Variants in NAB1 observed in about 807,000 individuals in gnomAD.
NAB1 encodes the protein NGFI-A-binding protein 1.
In NAB1, 25 loss-of-function variants were observed where a neutral mutation model predicts 49.9. That is an observed-to-expected ratio of 0.50 (90% CI 0.37 to 0.70). The LOEUF is 0.70. NAB1 is among the 30% of genes least tolerant of loss of function. NAB1 has a pLI of 0.00. For synonymous variants in NAB1, 198 were observed against 215.6 expected (o/e 0.92, Z 0.71); for missense variants, 489 against 575.9 (o/e 0.85, Z 1.54).
chr2:190,671,656 A>G (rs1051476040), intron 5 of NAB1, among the ~76,000 whole-genome samples: 1 of 152,024 alleles, frequency 6.6e-6, no homozygotes, highest in Admixed American at 6.6e-5. Context: ...AAGGCTAACA[A>G]TGAAACTCAA....
At chr2:190,690,193 T>C in intron 9 of NAB1, 52 bp from the exon 10 acceptor site, 1 of 1,243,006 alleles carries the variant, frequency 8.0e-7, no homozygotes, top group Non-Finnish European at 1.2e-6. Context: ...TGTTTGATTT[T>C]TGTAGTCCAT....
In NAB1 at chr2:190,657,732, G is replaced by A. The variant is rs946541857; in HGVS notation, c.-19-1426G>A. ...GAGTGGTAGGGACACCCATTCTCCT[G>A]GCTTGGAGTGACTGAGACTAGAATT... On this transcript the variant is annotated intron_variant, in intron 3 of 9. Transcript: ENST00000337386. This position sits in a 1 kb window ranked among gnomAD's most constrained non-coding sequence, Gnocchi z 4.4. 5.9e-5 allele frequency among the ~76,000 whole-genome samples: 9 copies of A among 152,184 alleles called. No individual in the cohort carries two copies. Among genetic ancestry groups the A allele is most frequent in the Non-Finnish European group, 1.3e-4 (9 of 68,030 alleles).
rs1694898844 is a variant in NAB1 at position 190,673,082 on chromosome 2, T to TC, written c.954-18dup. ...ACTTTCTCAAGTTTTTTTTTTTTTT[T>TC]CTCTCCCCTTTCCCTTAGGTCAAAA... On this transcript the variant is annotated intron_variant, in intron 5 of 9. Transcript: ENST00000337386. 4.4e-6 allele frequency: 7 copies of TC among 1,586,134 alleles called. No homozygotes were observed. Among genetic ancestry groups the TC allele is most frequent in the Admixed American group, 1.8e-5 (1 of 56,246 alleles).
chr2:190,675,301 G>A lies in NAB1; in HGVS notation c.1005+2149G>A, dbSNP rs2125772746. Reference sequence around the variant, plus strand: ...TAAGCCACACTTGTCTAGCTTTAGAGGTCACTAAATATTGAAATTTGTGAT... The same window carrying A: ...TAAGCCACACTTGTCTAGCTTTAGAAGTCACTAAATATTGAAATTTGTGAT... On this transcript the variant is annotated intron_variant, in intron 6 of 9. Transcript: ENST00000337386. This position sits in a 1 kb window ranked among gnomAD's most constrained non-coding sequence, Gnocchi z 5.2. Among the ~76,000 whole-genome samples, 1 of 152,292 alleles carries A rather than the reference G, an allele frequency of 6.6e-6. No individual in the cohort carries two copies. The highest frequency in any genetic ancestry group is 6.5e-5 in the Admixed American group (1 of 15,302).
In NAB1 at chr2:190,684,866, T is replaced by G. The variant is rs1695527019; in HGVS notation, c.1096-610T>G. Among the ~76,000 whole-genome samples the G allele has an allele frequency of 6.6e-6, 1 of 152,256 alleles. No homozygotes were observed. Among genetic ancestry groups the G allele is most frequent in the African/African-American group, 2.4e-5 (1 of 41,470 alleles). On this transcript the variant is annotated intron_variant, in intron 7 of 9. Coordinates refer to ENST00000337386, the MANE Select transcript of NAB1 (RefSeq NM_005966.4). The surrounding 1 kb of genome is among the most constrained non-coding windows in gnomAD (Gnocchi z 4.6). ...ATATGTCAGTTGACTAATTGTATAT[T>G]TAAAATATGCCTTTTTATGATTGGT...
chr2:190,650,151 C>A (rs1428429535), intron 2 of NAB1, among the ~76,000 whole-genome samples, 169 bp downstream of exon 2: 1 of 152,126 alleles, frequency 6.6e-6, no homozygotes, highest in Non-Finnish European at 1.5e-5. Context: ...ATACATTTGT[C>A]GATTCTGCAG....
rs892361538 is a variant in NAB1 at position 190,649,729 on chromosome 2, A to T, written c.-333-117A>T. 6.6e-6 allele frequency: 1 copy of T among 152,252 alleles called. No homozygotes were observed. The highest frequency in any genetic ancestry group is 2.4e-5 in the African/African-American group (1 of 41,404). The allele number at this position is 152,252 out of a possible 1,614,324, so 9.4% of individuals were successfully genotyped here. On this transcript the variant is annotated intron_variant, in intron 1 of 9. Coordinates refer to ENST00000337386, the MANE Select transcript of NAB1 (RefSeq NM_005966.4). The surrounding 1 kb of genome is among the most constrained non-coding windows in gnomAD (Gnocchi z 6.1). The stretch of plus-strand genomic sequence containing the variant: ...GTGCGCGCCGGCCCCAGAGTTTTGC[A>T]GCCACCTTCGTCAGGGCAGTCTTTT...
intron 5 of NAB1, among the ~76,000 whole-genome samples, chr2:190,671,301 G>C (rs1031981975): frequency 6.6e-6 from 1 of 152,158 alleles, no homozygotes; most frequent in Non-Finnish European, 1.5e-5. Context: ...GAGCATTCTT[G>C]TGCATCCTAA....
At position 190,654,444 on chromosome 2, in the gene NAB1, G is replaced by T. The variant is rs1004960592; in HGVS notation, c.-196-1533G>T. Among the ~76,000 whole-genome samples, 3 of 152,224 alleles carry T rather than the reference G, an allele frequency of 2.0e-5. No individual in the cohort carries two copies. Among genetic ancestry groups the T allele is most frequent in the African/African-American group, 7.2e-5 (3 of 41,454 alleles). On this transcript the variant is annotated intron_variant, in intron 2 of 9. Transcript: ENST00000337386. The surrounding 1 kb of genome is among the most constrained non-coding windows in gnomAD (Gnocchi z 5.6). ...GAAGGGAGATGACAGCTGCAGCCAG[G>T]GGTAGTGGGAAAGACATTTTGGGAA...
At position 190,676,070 on chromosome 2, in the gene NAB1, G is replaced by A. The variant is rs1031513928; in HGVS notation, c.1005+2918G>A. On this transcript the variant is annotated intron_variant, in intron 6 of 9. Transcript: ENST00000337386. The surrounding 1 kb of genome is among the most constrained non-coding windows in gnomAD (Gnocchi z 4.6). ...TTTTCACCAAGTACTGGTGCTTTAT[G>A]TCTACCTTCTATATGGCTTCTGGGG... Among the ~76,000 whole-genome samples the A allele has an allele frequency of 2.0e-5, 3 of 152,158 alleles. No individual in the cohort carries two copies. The highest frequency in any genetic ancestry group is 4.4e-5 in the Non-Finnish European group (3 of 68,028).
At chr2:190,688,153 T>TC (rs1695712573) in intron 9 of NAB1, among the ~76,000 whole-genome samples, 1 of 152,234 alleles carries the variant, frequency 6.6e-6, no homozygotes, top group Non-Finnish European at 1.5e-5. Flanking sequence ...AGTCACTTAA[T>TC]CAACGTCACT....
chr2:190,680,472 C>T lies in NAB1; in HGVS notation c.1006-3266C>T, dbSNP rs568200205. ...CTCTGGGATGCCTGCTCTGCCACAG[C>T]GCCCTCTGCTGTGCTCTGGGTCTCC... On this transcript the variant is annotated intron_variant, in intron 6 of 9. Transcript: ENST00000337386. This position sits in a 1 kb window ranked among gnomAD's most constrained non-coding sequence, Gnocchi z 5.2. 1.3e-5 allele frequency among the ~76,000 whole-genome samples: 2 copies of T among 152,318 alleles called. No individual in the cohort carries two copies. The highest frequency in any genetic ancestry group is 1.9e-4 in the East Asian group (1 of 5,184).
intron 4 of NAB1, among the ~76,000 whole-genome samples, chr2:190,662,939 A>C (rs1487035788): frequency 6.6e-6 from 1 of 152,186 alleles, no homozygotes; most frequent in African/African-American, 2.4e-5. Flanking sequence ...AGTGATGCCA[A>C]GCTTAGGTCA....
In NAB1 at chr2:190,674,701, A is replaced by C. The variant is rs555912649; in HGVS notation, c.1005+1549A>C. On this transcript the variant is annotated intron_variant, in intron 6 of 9. Coordinates refer to ENST00000337386, the MANE Select transcript of NAB1 (RefSeq NM_005966.4). This position sits in a 1 kb window ranked among gnomAD's most constrained non-coding sequence, Gnocchi z 5.7. ...TTGACTTATAAACACTTTATCTGAAAGCAGTGGTTCTCAAGGAAGAGAAGT... is the reference window on the plus strand; with the variant it reads ...TTGACTTATAAACACTTTATCTGAACGCAGTGGTTCTCAAGGAAGAGAAGT... Among the ~76,000 whole-genome samples the C allele has an allele frequency of 3.9e-5, 6 of 152,310 alleles. No homozygotes were observed. In the South Asian group the frequency reaches 1.2e-3, roughly 32 times the overall value.
rs1198739746 is a variant in NAB1 at position 190,679,847 on chromosome 2, A to T, written c.1006-3891A>T. Among the ~76,000 whole-genome samples, 1 of 152,122 alleles carries T rather than the reference A, an allele frequency of 6.6e-6. No homozygotes were observed. Among genetic ancestry groups the T allele is most frequent in the Non-Finnish European group, 1.5e-5 (1 of 68,022 alleles). On this transcript the variant is annotated intron_variant, in intron 6 of 9. Transcript: ENST00000337386. This position sits in a 1 kb window ranked among gnomAD's most constrained non-coding sequence, Gnocchi z 5.3. ...GCACTCCACTCAGATTCTGCTGATG[A>T]ACTGATAACCCTCTAATCTGGGTCT...
At chr2:190,671,729 G>A (rs545461872) in intron 5 of NAB1, among the ~76,000 whole-genome samples, 3 of 141,528 alleles carry the variant, frequency 2.1e-5, no homozygotes, top group Non-Finnish European at 4.6e-5. Context: ...TGCCTTCACC[G>A]ATTTTTAGCC....
chr2:190,688,035 A>C (rs990662828), intron 9 of NAB1, among the ~76,000 whole-genome samples: 6 of 152,230 alleles, frequency 3.9e-5, no homozygotes, highest in Non-Finnish European at 8.8e-5. Context: ...AGATATTTAC[A>C]TATTTTTATC....
Position 190,659,037 on chromosome 2 carries a change from C to T in NAB1, c.-19-121C>T, listed in dbSNP as rs1467958718. On this transcript the variant is annotated intron_variant, in intron 3 of 9. Transcript: ENST00000337386. The surrounding 1 kb of genome is among the most constrained non-coding windows in gnomAD (Gnocchi z 6.2). ...GTATGTAGAGAGAATGCTGCCTTCA[C>T]AGGCAGTCACGATGCAGATGCTTCT... 7.8e-6 allele frequency: 5 copies of T among 644,010 alleles called. No homozygotes were observed. The highest frequency in any genetic ancestry group is 1.1e-5 in the Non-Finnish European group (4 of 379,904). 39.9% of individuals were successfully genotyped at this position (644,010 alleles called of 1,614,324 possible).
chr2:190,681,348 C>A (rs1036032243), intron 6 of NAB1, among the ~76,000 whole-genome samples: 1 of 152,144 alleles, frequency 6.6e-6, no homozygotes, highest in Non-Finnish European at 1.5e-5. Context: ...ACTAGCTTAC[C>A]TCACTGAACT....
Sources: gnomAD v4.1 joint callset for allele counts (sites outside exome capture counted in the v4.1 genomes callset) on GRCh38, gnomAD v4.1.1 for gene constraint, Gnocchi (gnomAD v3.1) non-coding constraint, MANE v1.5 for transcripts, NCBI Gene and HGNC (gene_info 2026-07-23, HGNC 2026-07-21) for gene names.